The following ARMC9 variants were observed in gnomAD, a reference collection of about 807,000 sequenced individuals.
ARMC9 encodes armadillo repeat containing 9.
ARMC9 carries 94 observed loss-of-function variants against 107.0 expected under a neutral mutation model. The observed-to-expected ratio is 0.88, with a 90% CI of 0.74 to 1.04. ARMC9 has a LOEUF of 1.04. Among genes scored for constraint, ARMC9 ranks in the 50% least tolerant of loss-of-function variants. ARMC9 has a pLI of 0.00. For synonymous variants in ARMC9, 380 were observed against 396.9 expected (o/e 0.96, Z 0.51); for missense variants, 942 against 1,030.1 (o/e 0.91, Z 1.17).
intron 2 of ARMC9, among the ~76,000 whole-genome samples, 198 bp downstream of exon 2, chr2:231,206,487 C>T (rs187911880): frequency 4.6e-4 from 70 of 152,216 alleles, no homozygotes; most frequent in Admixed American, 2.1e-3. Flanking sequence ...TAAAAAGTCC[C>T]TTGAAAGAAA....
At chr2:231,324,813 C>T (rs113130606) in intron 19 of ARMC9, among the ~76,000 whole-genome samples, 7 of 152,070 alleles carry the variant, frequency 4.6e-5, no homozygotes, top group South Asian at 2.1e-4. Flanking sequence ...CAGTGACTCA[C>T]GCCTATAACC....
chr2:231,348,801 GAC>G (rs1481568173), intron 21 of ARMC9, among the ~76,000 whole-genome samples: 4 of 152,152 alleles, frequency 2.6e-5, no homozygotes, highest in Admixed American at 1.3e-4. Flanking sequence ...CTCAAAAGAA[GAC>G]ACACAGATGA....
rs1426224578 is a variant in ARMC9, at chr2:231,276,624, C to T, written c.1335-12C>T. On this transcript the variant is annotated splice_polypyrimidine_tract_variant and intron_variant, in intron 14 of 24. Coordinates refer to ENST00000611582, the MANE Select transcript of ARMC9 (RefSeq NM_001352754.2). ...TGGCAGTTTGTATTTACCGTAGGCT[C>T]TTTCTTCCCAGGCGCCCGCTGCAGA... The T allele has an allele frequency of 3.7e-6, 6 of 1,614,114 alleles. No individual in the cohort carries two copies. The highest frequency in any genetic ancestry group is 1.7e-4 in the Middle Eastern group (1 of 6,060).
chr2:231,318,646 A>C (rs2125530035), intron 19 of ARMC9, among the ~76,000 whole-genome samples: 1 of 152,300 alleles, frequency 6.6e-6, no homozygotes, highest in African/African-American at 2.4e-5. Flanking sequence ...ATGAACACAC[A>C]GTTCTCACCC....
At chr2:231,312,800 A>G (rs151175604) in intron 19 of ARMC9, among the ~76,000 whole-genome samples, 1,971 of 152,284 alleles carry the variant, frequency 0.013, 20 homozygotes, top group Non-Finnish European at 0.021. Flanking sequence ...TTCTAACAAA[A>G]AAGTAGTATT....
chr2:231,237,753 G>GTATATATATATATATATATATA (rs1226959333), intron 8 of ARMC9, among the ~76,000 whole-genome samples: 1 of 24,428 alleles, frequency 4.1e-5, no homozygotes, highest in Non-Finnish European at 7.6e-5. Flanking sequence ...TTGGCTATAT[G>GTATATATATATATATATATATA]TATATATATA....
intron 9 of ARMC9, among the ~76,000 whole-genome samples, chr2:231,254,135 C>A (rs1030115767): frequency 1.3e-5 from 2 of 151,860 alleles, no homozygotes; most frequent in Non-Finnish European, 2.9e-5. Flanking sequence ...AGCATGAATT[C>A]CAGAAGGATG....
intron 22 of ARMC9, among the ~76,000 whole-genome samples, chr2:231,357,219 A>C (rs73098104): frequency 0.13 from 20,384 of 152,216 alleles, 3,232 homozygotes; most frequent in African/African-American, 0.38. Context: ...GTGGGCACCC[A>C]CCAGGACACT....
chr2:231,282,850 C>T (rs1314831616), intron 17 of ARMC9, among the ~76,000 whole-genome samples: 1 of 152,186 alleles, frequency 6.6e-6, no homozygotes, highest in Non-Finnish European at 1.5e-5. Flanking sequence ...AACAGTGGAC[C>T]TTAATTGCCT....
At position 231,324,166 on chromosome 2, in the gene ARMC9, T is replaced by C. The variant is rs1225502088; in HGVS notation, c.1774-7627T>C. ...TTTTTGTGATGTAGTCTTGCTCTGT[T>C]GCCCAGGCTGGAGTGCAGTGGTGCA... is the stretch of plus-strand genomic sequence containing the variant. On this transcript the variant is annotated intron_variant, in intron 19 of 24. Transcript: ENST00000611582. Among the ~76,000 whole-genome samples the C allele has an allele frequency of 1.1e-3, 164 of 147,302 alleles. 2 individuals carry two copies. Among genetic ancestry groups the C allele is most frequent in the African/African-American group, 3.3e-3 (133 of 39,780 alleles).
chr2:231,250,719 T>C (rs1463550991), intron 9 of ARMC9, among the ~76,000 whole-genome samples: 3 of 151,976 alleles, frequency 2.0e-5, no homozygotes, highest in Non-Finnish European at 4.4e-5. Context: ...TGCGGGGGCC[T>C]GGGTTGAGGC....
chr2:231,368,137 G>A (rs1248917248), intron 23 of ARMC9, among the ~76,000 whole-genome samples: 1 of 151,890 alleles, frequency 6.6e-6, no homozygotes, highest in African/African-American at 2.4e-5. Flanking sequence ...ATATCACACT[G>A]TACCCCATAA....
intron 23 of ARMC9, among the ~76,000 whole-genome samples, chr2:231,367,839 C>T (rs1341580242): frequency 2.0e-5 from 3 of 151,724 alleles, no homozygotes; most frequent in Non-Finnish European, 2.9e-5. Flanking sequence ...AAAAATTAGC[C>T]GGGCGTGGTG....
At chr2:231,219,636 G>A (rs942714773) in intron 5 of ARMC9, among the ~76,000 whole-genome samples, 1 of 151,938 alleles carries the variant, frequency 6.6e-6, no homozygotes, top group East Asian at 1.9e-4. Flanking sequence ...GAGATTTGTT[G>A]GGTTTCCTGG....
intron 23 of ARMC9, among the ~76,000 whole-genome samples, chr2:231,363,930 G>A (rs1303145421): frequency 1.4e-5 from 2 of 147,322 alleles, no homozygotes; most frequent in Admixed American, 6.8e-5. Flanking sequence ...CTACAATCAT[G>A]GTGCCTTCCC....
At chr2:231,272,168 G>A (rs965595926) in intron 13 of ARMC9, among the ~76,000 whole-genome samples, 1 of 143,242 alleles carries the variant, frequency 7.0e-6, no homozygotes, top group Non-Finnish European at 1.5e-5. Context: ...TGGGGGTTTT[G>A]TGTGTGTGTG....
In ARMC9 at chr2:231,353,434, G is replaced by A. The variant is rs965964494; in HGVS notation, c.1995-2364G>A. ...CCTGACCTCGTGATCCGCCTGTCTC[G>A]GCCTCCCAAAGTGCTGGGATTACAG... is the stretch of plus-strand genomic sequence containing the variant. On this transcript the variant is annotated intron_variant, in intron 21 of 24. Transcript: ENST00000611582. Among the ~76,000 whole-genome samples, 13 of 126,166 alleles carry A rather than the reference G, an allele frequency of 1.0e-4. 2 individuals are homozygous for A. The highest frequency in any genetic ancestry group is 2.0e-4 in the African/African-American group (4 of 19,540). The allele number at this position is 126,166 out of a possible 152,430, so 82.8% of individuals were successfully genotyped here.
At chr2:231,214,164 T>G in intron 3 of ARMC9, among the ~76,000 whole-genome samples, 1 of 152,246 alleles carries the variant, frequency 6.6e-6, no homozygotes, top group Middle Eastern at 3.2e-3. Flanking sequence ...AGCTCTGTGG[T>G]CAAACGGCAC....
intron 9 of ARMC9, among the ~76,000 whole-genome samples, chr2:231,253,856 T>C (rs1344942736): frequency 6.6e-6 from 1 of 152,084 alleles, no homozygotes; most frequent in Non-Finnish European, 1.5e-5. Context: ...GGCTAGGAAG[T>C]GTGTAAAGCA....
Sources: gnomAD v4.1 joint callset for allele counts (sites outside exome capture counted in the v4.1 genomes callset) on GRCh38, gnomAD v4.1.1 for gene constraint, MANE v1.5 for transcripts, NCBI Gene and HGNC (gene_info 2026-07-23, HGNC 2026-07-21) for gene names.